FTO: variants seen among roughly 807,000 people sequenced by gnomAD.
The protein encoded by FTO is alpha-ketoglutarate-dependent dioxygenase FTO.
FTO carries 47 observed loss-of-function variants against 63.9 expected under a neutral mutation model. That is an observed-to-expected ratio of 0.74 (90% CI 0.58 to 0.94). The LOEUF (loss-of-function observed/expected upper bound fraction) is 0.94. Ranked by LOEUF, FTO falls within the 40% of genes least tolerant of loss-of-function variation. The pLI, the probability that FTO is intolerant of heterozygous loss-of-function variation, is 0.00. For missense variants in FTO, 562 were observed against 618.1 expected, an observed-to-expected ratio of 0.91 and a Z score of 0.96; for synonymous variants, 207 against 224.4, an observed-to-expected ratio of 0.92 and a Z score of 0.69.
At chr16:54,009,932 G>C (rs552569551) in intron 8 of FTO, among the ~76,000 whole-genome samples, 3 of 152,274 alleles carry the variant, frequency 2.0e-5, no homozygotes, top group African/African-American at 7.2e-5. Flanking sequence ...CAGCTGTAAA[G>C]TGATGTTTCC....
chr16:53,983,170 T>C lies in FTO; in HGVS notation c.1364+49061T>C, dbSNP rs538504391. ...ATAAAAAATATATCATGAAGAATGA[T>C]GGTTTTTCTCCATCCTAACGGTAAA... On this transcript the variant is annotated intron_variant, in intron 8 of 8. Transcript: ENST00000471389. Among the ~76,000 whole-genome samples the C allele has an allele frequency of 1.2e-4, 19 of 152,296 alleles. No individual in the cohort carries two copies. In the South Asian group the frequency reaches 1.4e-3, roughly 12 times the overall value.
At chr16:54,013,758 C>A (rs1482040519) in intron 8 of FTO, among the ~76,000 whole-genome samples, 1 of 152,138 alleles carries the variant, frequency 6.6e-6, no homozygotes, top group Non-Finnish European at 1.5e-5. Flanking sequence ...GTATGTACAT[C>A]GTTTTTTACA....
chr16:54,051,875 A>G (rs2085321370), intron 8 of FTO, among the ~76,000 whole-genome samples: 1 of 152,198 alleles, frequency 6.6e-6, no homozygotes, highest in South Asian at 2.1e-4. Context: ...TTTAATAGGT[A>G]GATATCTAAG....
chr16:53,747,880 T>C (rs922146148), intron 1 of FTO, among the ~76,000 whole-genome samples: 1 of 152,208 alleles, frequency 6.6e-6, no homozygotes, highest in Non-Finnish European at 1.5e-5. Flanking sequence ...TTCTTTTGCA[T>C]ATGGATATCC....
intron 1 of FTO, among the ~76,000 whole-genome samples, chr16:53,766,962 G>A (rs888424254): frequency 2.6e-4 from 40 of 152,096 alleles, no homozygotes; most frequent in Non-Finnish European, 7.4e-5. Flanking sequence ...TAAGGAACAA[G>A]ATAATCTCAT....
chr16:53,926,467 G>A (rs1479106617), intron 7 of FTO, among the ~76,000 whole-genome samples: 1 of 152,224 alleles, frequency 6.6e-6, no homozygotes, highest in Admixed American at 6.5e-5. Flanking sequence ...GCACCTTGGA[G>A]ATTATTAAGA....
At chr16:53,918,638 A>T (rs1175476728) in intron 7 of FTO, among the ~76,000 whole-genome samples, 1 of 152,172 alleles carries the variant, frequency 6.6e-6, no homozygotes, top group East Asian at 1.9e-4. Flanking sequence ...ATCAAATTTA[A>T]CAGTTATTTT....
At chr16:53,937,979 A>G (rs937332053) in intron 8 of FTO, 1 of 152,168 alleles carries the variant, frequency 6.6e-6, no homozygotes, top group African/African-American at 2.4e-5. Flanking sequence ...ATAATTATTC[A>G]TAGTTTAGCT....
chr16:54,097,477 A>C (rs1439979069), intron 8 of FTO, among the ~76,000 whole-genome samples: 6 of 152,226 alleles, frequency 3.9e-5, no homozygotes, highest in Middle Eastern at 3.4e-3. Context: ...AGTAGCTGGT[A>C]CTACAGGGTA....
chr16:53,842,835 C>T (rs1322406613), intron 3 of FTO, among the ~76,000 whole-genome samples: 1 of 151,980 alleles, frequency 6.6e-6, no homozygotes, highest in Non-Finnish European at 1.5e-5. Flanking sequence ...CACCATGCCC[C>T]ACTCATTTCT....
At chr16:54,042,876 A>G (rs2085116842) in intron 8 of FTO, among the ~76,000 whole-genome samples, 1 of 79,946 alleles carries the variant, frequency 1.3e-5, no homozygotes, top group Non-Finnish European at 2.1e-5. Context: ...GGGTATTCCA[A>G]CAGACCTGCA....
At position 53,976,456 on chromosome 16, in the gene FTO, G is replaced by GT. The variant is rs1156707007; in HGVS notation, c.1364+42347_1364+42348insT. ...TAAATTTGCAGAAATTTATGTGTCA[G>GT]GTTTTTTTTTGCCTAATTACCAAAA... On this transcript the variant is annotated intron_variant, in intron 8 of 8. Transcript: ENST00000471389. Among the ~76,000 whole-genome samples the GT allele has an allele frequency of 2.9e-5, 4 of 137,788 alleles. No homozygotes were observed. In the East Asian group the frequency reaches 1.0e-3, roughly 36 times the overall value. 90.4% of individuals were successfully genotyped at this position (137,788 alleles called of 152,430 possible).
intron 1 of FTO, among the ~76,000 whole-genome samples, chr16:53,706,109 GT>G (rs751023874): frequency 2.0e-5 from 3 of 152,128 alleles, no homozygotes; most frequent in Non-Finnish European, 4.4e-5. Flanking sequence ...TGTGAAACAT[GT>G]TGAATTAGTA....
intron 7 of FTO, among the ~76,000 whole-genome samples, chr16:53,932,978 A>ATACCATGAAAGAAAAGACTTTG (rs1174367801): frequency 6.6e-6 from 1 of 152,180 alleles, no homozygotes; most frequent in Non-Finnish European, 1.5e-5. Context: ...CTAAGACTTT[A>ATACCATGAAAGAAAAGACTTTG]TACCATGAAA....
chr16:54,058,554 A>G (rs1265832926), intron 8 of FTO, among the ~76,000 whole-genome samples: 4 of 152,190 alleles, frequency 2.6e-5, no homozygotes, highest in Non-Finnish European at 5.9e-5. Flanking sequence ...AGAGGTGCCC[A>G]GGTTTAGAGA....
chr16:53,985,598 C>T (rs1291997096), intron 8 of FTO, among the ~76,000 whole-genome samples: 4 of 152,192 alleles, frequency 2.6e-5, no homozygotes, highest in African/African-American at 9.7e-5. Flanking sequence ...GCAGTCCCCT[C>T]CTTCCTGCCC....
intron 3 of FTO, among the ~76,000 whole-genome samples, chr16:53,830,202 C>T (rs1354748773): frequency 2.0e-5 from 3 of 152,250 alleles, no homozygotes; most frequent in Admixed American, 2.0e-4. Context: ...TTTCACATGC[C>T]GTTCTAGTTA....
intron 8 of FTO, among the ~76,000 whole-genome samples, chr16:53,969,062 G>A (rs1355382199): frequency 6.6e-6 from 1 of 152,120 alleles, no homozygotes. Context: ...ACACTTTCTG[G>A]TTTACTTTGT....
intron 8 of FTO, among the ~76,000 whole-genome samples, chr16:54,053,854 AG>A (rs1201720792): frequency 6.6e-6 from 1 of 152,148 alleles, no homozygotes; most frequent in Non-Finnish European, 1.5e-5. Context: ...CAAATAAACA[AG>A]GGCATTTTTG....
Sources: allele counts gnomAD v4.1 joint callset (sites outside exome capture counted in the v4.1 genomes callset), GRCh38; gene constraint gnomAD v4.1.1; transcripts MANE v1.5; gene names NCBI Gene and HGNC (gene_info 2026-07-23, HGNC 2026-07-21).